SMARCA2: variants seen among roughly 807,000 people sequenced by gnomAD.
SMARCA2 encodes SWI/SNF-related matrix-associated actin-dependent regulator of chromatin subfamily A member 2.
SMARCA2 carries 61 observed loss-of-function variants against 199.8 expected under a neutral mutation model. That is an observed-to-expected ratio of 0.31 (90% CI 0.25 to 0.38). The LOEUF (loss-of-function observed/expected upper bound fraction) is 0.38. Among genes scored for constraint, SMARCA2 ranks in the 10% least tolerant of loss-of-function variants. SMARCA2 has a pLI of 1.00. For synonymous variants in SMARCA2, 935 were observed against 732.0 expected (o/e 1.28, Z -4.48); for missense variants, 1,344 against 2,012.2 (o/e 0.67, Z 6.35).
At chr9:2,139,229 G>A (rs540849133) in intron 27 of SMARCA2, among the ~76,000 whole-genome samples, 5 of 152,300 alleles carry the variant, frequency 3.3e-5, no homozygotes, top group East Asian at 1.9e-4. Context: ...TTTAATTGAC[G>A]TGAGGCCAGC....
At chr9:2,022,049 C>T (rs908855262) in intron 1 of SMARCA2, 3 of 149,636 alleles carry the variant, frequency 2.0e-5, no homozygotes, top group Non-Finnish European at 4.4e-5. Flanking sequence ...TTGCCTGGAG[C>T]AAGAAGTTCC....
chr9:2,120,850 G>T (rs572110796), intron 26 of SMARCA2, among the ~76,000 whole-genome samples: 1 of 152,274 alleles, frequency 6.6e-6, no homozygotes, highest in South Asian at 2.1e-4. Flanking sequence ...TAACAGCATG[G>T]TCAATGTAGG....
intron 23 of SMARCA2, among the ~76,000 whole-genome samples, chr9:2,105,983 G>T (rs1822739542): frequency 6.6e-6 from 1 of 152,208 alleles, no homozygotes; most frequent in Non-Finnish European, 1.5e-5. Context: ...AGCCTGAGAG[G>T]TTCTCTTTAA....
Position 2,056,631 on chromosome 9 carries a change from T to C in SMARCA2, c.1174-41T>C. 2 of 1,581,458 alleles carry C rather than the reference T, an allele frequency of 1.3e-6. No homozygotes were observed. The highest frequency in any genetic ancestry group is 1.7e-6 in the Non-Finnish European group (2 of 1,164,792). ...GAAGGCCAGAGTTCAGGAACCTAGC[T>C]TCTGTTAGGGAAGGCTGTCTAACTG... On this transcript the variant is annotated intron_variant, in intron 6 of 33. Coordinates refer to ENST00000349721, the MANE Select transcript of SMARCA2 (RefSeq NM_003070.5). The surrounding 1 kb of genome is among the most constrained non-coding windows in gnomAD (Gnocchi z 4.0).
In SMARCA2 at chr9:2,086,728, C is replaced by T; in HGVS notation, c.2527-101C>T. 5.3e-6 allele frequency: 7 copies of T among 1,316,520 alleles called. No individual in the cohort carries two copies. The South Asian group carries it at 9.1e-5, about 17-fold the overall frequency. The allele number at this position is 1,316,520 out of a possible 1,614,324, so 81.6% of individuals were successfully genotyped here. On this transcript the variant is annotated intron_variant, in intron 17 of 33. Transcript: ENST00000349721. This position sits in a 1 kb window ranked among gnomAD's most constrained non-coding sequence, Gnocchi z 4.3. Reference sequence around the variant, plus strand: ...AAGGTAATCACAGCATATCATATACCAAGGATGGGTTCTTTGGTTTTCCGC... The same window carrying T: ...AAGGTAATCACAGCATATCATATACTAAGGATGGGTTCTTTGGTTTTCCGC...
rs568253495 is a variant in SMARCA2 at position 2,039,076 on chromosome 9, G to A, written c.356-390G>A. 1.9e-4 allele frequency among the ~76,000 whole-genome samples: 29 copies of A among 152,164 alleles called. No homozygotes were observed. The highest frequency in any genetic ancestry group is 1.2e-3 in the Admixed American group (19 of 15,286). On this transcript the variant is annotated intron_variant, in intron 3 of 33. Coordinates refer to ENST00000349721, the MANE Select transcript of SMARCA2 (RefSeq NM_003070.5). The surrounding 1 kb of genome is among the most constrained non-coding windows in gnomAD (Gnocchi z 4.8). Reference sequence around the variant, plus strand: ...TGATCACTTGAAGTGTGGTTAGTTCGAATTGAGATGTCCTTTAAGTGTAAA... The same window carrying A: ...TGATCACTTGAAGTGTGGTTAGTTCAAATTGAGATGTCCTTTAAGTGTAAA...
At chr9:2,042,693 C>T (rs1473391402) in intron 4 of SMARCA2, 1 of 150,926 alleles carries the variant, frequency 6.6e-6, no homozygotes, top group Non-Finnish European at 1.5e-5. Flanking sequence ...CCGGTACCTA[C>T]ATCTTTCGTC....
intron 4 of SMARCA2, chr9:2,041,356 C>G: frequency 2.5e-6 from 1 of 398,612 alleles, no homozygotes. Context: ...ATTCCAACCT[C>G]AAAACACCAG....
chr9:2,181,538 G>T, intron 29 of SMARCA2, 33 bp from the exon 30 acceptor site: 1 of 1,011,362 alleles, frequency 9.9e-7, no homozygotes, highest in Non-Finnish European at 1.6e-6. Flanking sequence ...TGTTTGATGT[G>T]GCTTGTTTTT....
rs1468626765 is a variant in SMARCA2 at position 2,137,496 on chromosome 9, T to C, written c.3981+13559T>C. On this transcript the variant is annotated intron_variant, in intron 27 of 33. Transcript: ENST00000349721. ...TAGTCCTTGGCACTTCTAGAAGTCT[T>C]TCTCCCAGATCTTCATGTGGCTGTC... Among the ~76,000 whole-genome samples the C allele has an allele frequency of 4.6e-5, 7 of 152,268 alleles. No individual in the cohort carries two copies. The East Asian group carries it at 1.4e-3, about 29-fold the overall frequency.
At chr9:2,147,562 T>C (rs1029664483) in intron 27 of SMARCA2, among the ~76,000 whole-genome samples, 22 of 152,156 alleles carry the variant, frequency 1.4e-4, no homozygotes, top group Admixed American at 2.6e-4. Context: ...CCAGTTTTGG[T>C]GTTCTGGGCG....
chr9:2,090,516 A>G (rs914727197), intron 19 of SMARCA2, among the ~76,000 whole-genome samples: 26 of 152,318 alleles, frequency 1.7e-4, no homozygotes, highest in African/African-American at 6.0e-4. Flanking sequence ...TGTTCTCATC[A>G]GTGAACTGGA....
At position 2,123,378 on chromosome 9, in the gene SMARCA2, G is replaced by A. The variant is rs1823549705; in HGVS notation, c.3763-341G>A. Among the ~76,000 whole-genome samples the A allele has an allele frequency of 6.6e-6, 1 of 152,122 alleles. No homozygotes were observed. The highest frequency in any genetic ancestry group is 6.5e-5 in the Admixed American group (1 of 15,274). ...AAGCAATGAGTTGTATAGCCAAGAG[G>A]TCATATTTTTAAAATGCATTCCCAA... is the stretch of plus-strand genomic sequence containing the variant. On this transcript the variant is annotated intron_variant, in intron 26 of 33. Coordinates refer to ENST00000349721, the MANE Select transcript of SMARCA2 (RefSeq NM_003070.5). This position sits in a 1 kb window ranked among gnomAD's most constrained non-coding sequence, Gnocchi z 4.1.
At chr9:2,020,332 T>G (rs1457842801) in intron 1 of SMARCA2, among the ~76,000 whole-genome samples, 1 of 152,178 alleles carries the variant, frequency 6.6e-6, no homozygotes, top group Non-Finnish European at 1.5e-5. Flanking sequence ...TCTGTCATTT[T>G]TGGAAGCGTT....
At chr9:2,047,654 C>T (rs770344505) in intron 5 of SMARCA2, 170 bp downstream of exon 5, 5 of 817,130 alleles carry the variant, frequency 6.1e-6, no homozygotes, top group Non-Finnish European at 8.1e-6. Flanking sequence ...GGGGAGGCAC[C>T]GGGGTTTTGA....
chr9:2,046,345 A>C (rs1482584560), intron 4 of SMARCA2, among the ~76,000 whole-genome samples: 1 of 152,194 alleles, frequency 6.6e-6, no homozygotes, highest in Admixed American at 6.5e-5. Context: ...TAATCAATGC[A>C]CTTTGACAAG....
chr9:2,192,638 G>T (rs74308155), intron 33 of SMARCA2, 66 bp from the exon 34 acceptor site: 12 of 1,120,338 alleles, frequency 1.1e-5, no homozygotes, highest in African/African-American at 1.5e-5. Context: ...TTGATGGTTT[G>T]TTGTTATATC....
At chr9:2,055,251 T>C (rs1455694481) in intron 6 of SMARCA2, among the ~76,000 whole-genome samples, 1 of 152,266 alleles carries the variant, frequency 6.6e-6, no homozygotes, top group South Asian at 2.1e-4. Flanking sequence ...TTTGATCACA[T>C]CAGGCTCATG....
intron 4 of SMARCA2, chr9:2,043,382 T>TGTGC (rs1478129323): frequency 6.6e-6 from 1 of 152,254 alleles, no homozygotes; most frequent in Non-Finnish European, 1.5e-5. Context: ...TACGATGGAA[T>TGTGC]GTGCCCTTGC....
Sources: allele counts gnomAD v4.1 joint callset (sites outside exome capture counted in the v4.1 genomes callset), GRCh38; gene constraint gnomAD v4.1.1; non-coding constraint Gnocchi (gnomAD v3.1); transcripts MANE v1.5; gene names NCBI Gene and HGNC (gene_info 2026-07-23, HGNC 2026-07-21).